Variants in GBF1 observed in about 807,000 individuals in gnomAD.
GBF1 encodes Golgi-specific brefeldin A-resistance guanine nucleotide exchange factor 1.
GBF1 carries 114 observed loss-of-function variants against 210.5 expected under a neutral mutation model. The ratio of observed to expected loss-of-function variants is 0.54; its 90% CI spans 0.47 to 0.63. The LOEUF (loss-of-function observed/expected upper bound fraction) is 0.63, where lower values mean the gene tolerates loss of function less well. Among genes scored for constraint, GBF1 ranks in the 30% least tolerant of loss-of-function variants. The pLI is 0.00. For synonymous variants in GBF1, 850 were observed against 889.2 expected, an observed-to-expected ratio of 0.96 and a Z score of 0.78; for missense variants, 1,851 against 2,357.7, an observed-to-expected ratio of 0.79 and a Z score of 4.45.
intron 3 of GBF1, among the ~76,000 whole-genome samples, chr10:102,264,044 T>C (rs948374204): frequency 3.3e-5 from 5 of 152,166 alleles, no homozygotes; most frequent in Non-Finnish European, 7.4e-5. Context: ...GGGTTCCTTT[T>C]TGGGGTAATG....
chr10:102,338,470 G>C (rs113994739), intron 3 of GBF1, among the ~76,000 whole-genome samples: 1,940 of 151,672 alleles, frequency 0.013, 33 homozygotes, highest in African/African-American at 0.045. Context: ...TCTGAAACTC[G>C]TGACCTCAAG....
intron 33 of GBF1, among the ~76,000 whole-genome samples, chr10:102,377,994 T>C (rs10883721): frequency 1 from 151,168 of 151,812 alleles, 75,269 homozygotes; most frequent in Non-Finnish European, 1. Flanking sequence ...CCGAGGCGGG[T>C]GGATCATGAG....
At chr10:102,270,071 C>T (rs1291858622) in intron 3 of GBF1, among the ~76,000 whole-genome samples, 6 of 151,080 alleles carry the variant, frequency 4.0e-5, no homozygotes, top group Admixed American at 6.6e-5. Flanking sequence ...GTAGAGATGG[C>T]GTTTCACCAT....
intron 8 of GBF1, among the ~76,000 whole-genome samples, chr10:102,355,624 G>A (rs770359302): frequency 1.3e-5 from 2 of 152,208 alleles, no homozygotes; most frequent in Non-Finnish European, 2.9e-5. Context: ...AGCAAGCTTT[G>A]CAGAAGATAG....
intron 3 of GBF1, among the ~76,000 whole-genome samples, chr10:102,289,728 G>A (rs1001184830): frequency 6.6e-6 from 1 of 152,136 alleles, no homozygotes; most frequent in African/African-American, 2.4e-5. Flanking sequence ...AATCAGAGAG[G>A]TTCCAAAATT....
At chr10:102,265,191 C>T (rs1007229832) in intron 3 of GBF1, among the ~76,000 whole-genome samples, 3 of 152,178 alleles carry the variant, frequency 2.0e-5, no homozygotes, top group Non-Finnish European at 4.4e-5. Flanking sequence ...TAAATTCTTG[C>T]AAGCCTTAGT....
intron 1 of GBF1, among the ~76,000 whole-genome samples, chr10:102,255,008 A>T (rs1414528084): frequency 6.6e-6 from 1 of 152,072 alleles, no homozygotes; most frequent in Non-Finnish European, 1.5e-5. Context: ...GCAGCTCTGC[A>T]TAGTACTTGA....
intron 8 of GBF1, among the ~76,000 whole-genome samples, chr10:102,357,227 C>T (rs1303779559): frequency 6.6e-6 from 1 of 152,148 alleles, no homozygotes; most frequent in African/African-American, 2.4e-5. Context: ...TGGCTCACAC[C>T]TGTAATCCCA....
At chr10:102,244,946 G>T (rs770533097), upstream of GBF1, among the ~76,000 whole-genome samples, 14 of 152,184 alleles carry the variant, frequency 9.2e-5, no homozygotes, top group Admixed American at 2.6e-4. Context: ...CTGAAACAGA[G>T]TTGGGACGTG....
rs187822471 is a variant in GBF1 at position 102,319,272 on chromosome 10, A to T, written c.164-24779A>T. Among the ~76,000 whole-genome samples, 308 of 152,268 alleles carry T rather than the reference A, an allele frequency of 2.0e-3. 1 individual carries two copies. Among genetic ancestry groups the T allele is most frequent in the Admixed American group, 4.3e-3 (66 of 15,288 alleles). On this transcript the variant is annotated intron_variant, in intron 3 of 39. Transcript: ENST00000369983. ...GAGGCGGAGCTTGCAGTGAGCCGAG[A>T]TCGCGCCACTGCACTCCAGCCTGGG...
Position 102,367,507 on chromosome 10 carries a change from T to C in GBF1, c.2589T>C (p.Asn863=). 3 of 1,611,468 alleles carry C rather than the reference T, an allele frequency of 1.9e-6. No homozygotes were observed. Among genetic ancestry groups the C allele is most frequent in the Non-Finnish European group, 2.5e-6 (3 of 1,177,556 alleles). The change falls in exon 21 of 40, where the codon AAT becomes AAC. Residue 863 remains asparagine (N), a synonymous_variant. Transcript: ENST00000369983. ...EEFRKNLKGV[N]GGKDFEQDIL... ...TTCGCAAAAATCTGAAAGGTGTGAA[T>C]GGAGGCAAGGACTTTGAGCAAGACA...
At chr10:102,324,223 G>C (rs974800367) in intron 3 of GBF1, among the ~76,000 whole-genome samples, 6 of 152,136 alleles carry the variant, frequency 3.9e-5, no homozygotes, top group Non-Finnish European at 7.4e-5. Flanking sequence ...ATAAAGGATC[G>C]GGGCAGGGCT....
At chr10:102,246,201 ACTT>A (rs1464942090) in intron 1 of GBF1, among the ~76,000 whole-genome samples, 2 of 152,206 alleles carry the variant, frequency 1.3e-5, no homozygotes, top group African/African-American at 4.8e-5. Context: ...TACAGCGTCT[ACTT>A]CTTTGTGATT....
intron 1 of GBF1, among the ~76,000 whole-genome samples, chr10:102,247,066 C>A (rs554031380): frequency 5.3e-5 from 8 of 152,290 alleles, no homozygotes; most frequent in Admixed American, 5.2e-4. Context: ...GTGATCAGGA[C>A]TTGTGGCCTG....
chr10:102,353,484 C>A, intron 7 of GBF1, 116 bp from the exon 8 acceptor site: 1 of 762,238 alleles, frequency 1.3e-6, no homozygotes, highest in Non-Finnish European at 2.4e-6. Flanking sequence ...TCTTTTGTAG[C>A]CTTTTCTAAG....
chr10:102,326,219 A>T (rs2056886685), intron 3 of GBF1, among the ~76,000 whole-genome samples: 1 of 152,230 alleles, frequency 6.6e-6, no homozygotes. Flanking sequence ...ACTTGCTTCT[A>T]AATTGGAATG....
chr10:102,319,040 G>A (rs912234614), intron 3 of GBF1, among the ~76,000 whole-genome samples: 1 of 152,144 alleles, frequency 6.6e-6, no homozygotes, highest in African/African-American at 2.4e-5. Context: ...TGGGTAGGCT[G>A]GGCGCAGTGG....
At chr10:102,232,892 C>T in the GBF1 span, among the ~76,000 whole-genome samples, 9 of 152,258 alleles carry the variant, frequency 5.9e-5, no homozygotes, top group Non-Finnish European at 1.3e-4. Flanking sequence ...GATATTTCTC[C>T]CTTAAGAATA....
At chr10:102,258,015 G>A (rs2072650264) in intron 1 of GBF1, among the ~76,000 whole-genome samples, 1 of 152,088 alleles carries the variant, frequency 6.6e-6, no homozygotes, top group South Asian at 2.1e-4. Context: ...TTGTTGAGGT[G>A]CCTTTGAAAA....
Sources: gnomAD v4.1 joint callset for allele counts (sites outside exome capture counted in the v4.1 genomes callset) on GRCh38, gnomAD v4.1.1 for gene constraint, MANE v1.5 for transcripts, NCBI Gene and HGNC (gene_info 2026-07-23, HGNC 2026-07-21) for gene names.